The following ZC3H14 variants were observed in gnomAD, a reference collection of about 807,000 sequenced individuals.
ZC3H14 encodes the protein zinc finger CCCH-type containing 14, also known as zinc finger CCCH domain-containing protein 14.
Under a neutral mutation model 92.4 loss-of-function variants are expected in ZC3H14, and 31 were observed. That is an observed-to-expected ratio of 0.34 (90% CI 0.25 to 0.45). The LOEUF (loss-of-function observed/expected upper bound fraction) is 0.45, where lower values mean the gene tolerates loss of function less well. Among genes scored for constraint, ZC3H14 ranks in the 20% least tolerant of loss-of-function variants. The pLI, the probability that ZC3H14 is intolerant of heterozygous loss-of-function variation, is 1.00. For missense variants in ZC3H14, 781 were observed against 897.3 expected (o/e 0.87, Z 1.66); for synonymous variants, 321 against 300.9 (o/e 1.07, Z -0.69).
chr14:88,568,807 T>C (rs986987198), intron 3 of ZC3H14, among the ~76,000 whole-genome samples: 2 of 152,228 alleles, frequency 1.3e-5, no homozygotes, highest in African/African-American at 4.8e-5. Context: ...TGTAAAGTAC[T>C]TATAGGTGTC....
chr14:88,595,127 A>T, intron 9 of ZC3H14: 1 of 1,604,932 alleles, frequency 6.2e-7, no homozygotes, highest in Admixed American at 1.7e-5. Context: ...CTCTTAATAT[A>T]TGATATGTTC....
intron 1 of ZC3H14, 164 bp downstream of exon 1, chr14:88,563,333 G>A: frequency 6.7e-7 from 1 of 1,490,126 alleles, no homozygotes; most frequent in Middle Eastern, 2.4e-4. Flanking sequence ...CGGCCCTGGG[G>A]ACATTTGCGG....
rs543044093 is a variant in ZC3H14 at position 88,563,747 on chromosome 14, GA to G, written c.79+56del. 428 of 1,491,740 alleles carry G rather than the reference GA, an allele frequency of 2.9e-4. 2 individuals are homozygous for G. The South Asian group carries it at 4.6e-3, about 16-fold the overall frequency. The allele number at this position is 1,491,740 out of a possible 1,614,324, so 92.4% of individuals were successfully genotyped here. ...CAGAATTTAGAGTTTGCAGCTAATA[GA>G]ATTTTAGTGAATGCGTATTTCTCAC... On this transcript the variant is annotated intron_variant, in intron 2 of 16. Coordinates refer to ENST00000251038, the MANE Select transcript of ZC3H14 (RefSeq NM_024824.5).
In ZC3H14 at chr14:88,626,967, A is replaced by G; in HGVS notation, c.*15216A>G. ...TCACATGTTTTACTCCCACTGAGAC[A>G]AACTGGGTATCTGAATCTGGTCGGA... On this transcript the variant is annotated 3_prime_UTR_variant, in exon 17 of 17. Transcript: ENST00000251038. 1 of 1,614,014 alleles carries G rather than the reference A, an allele frequency of 6.2e-7. No individual in the cohort carries two copies. Among genetic ancestry groups the G allele is most frequent in the South Asian group, 1.1e-5 (1 of 91,080 alleles).
intron 1 of ZC3H14, 63 bp from the exon 2 acceptor site, chr14:88,563,588 G>A: frequency 6.2e-7 from 1 of 1,601,870 alleles, no homozygotes; most frequent in Non-Finnish European, 8.6e-7. Context: ...AGCCGCTGCA[G>A]AGTCCGGTCT....
rs35255737 is a variant in ZC3H14 at position 88,618,011 on chromosome 14, TAAA to T, written c.*6268_*6270del. On this transcript the variant is annotated 3_prime_UTR_variant, in exon 17 of 17. Transcript: ENST00000251038. ...TTTAAAGTTAAAACTTTGATTTCCTTAAAAAAAAAACTTGATAAATCATGGAAA... is the reference window on the plus strand; with the variant it reads ...TTTAAAGTTAAAACTTTGATTTCCTTAAAAAAACTTGATAAATCATGGAAA... 14 of 291,584 alleles carry T rather than the reference TAAA, an allele frequency of 4.8e-5. No individual in the cohort carries two copies. In the South Asian group the frequency reaches 1.1e-3, roughly 24 times the overall value. 18.1% of individuals were successfully genotyped at this position (291,584 alleles called of 1,614,324 possible).
At position 88,620,816 on chromosome 14, in the gene ZC3H14, T is replaced by G. The variant is rs569882025; in HGVS notation, c.*9065T>G. The G allele has an allele frequency of 1.7e-5, 27 of 1,608,926 alleles. No individual in the cohort carries two copies. In the South Asian group the frequency reaches 2.6e-4, roughly 15 times the overall value. On this transcript the variant is annotated 3_prime_UTR_variant, in exon 17 of 17. Transcript: ENST00000251038. The surrounding 1 kb of genome is among the most constrained non-coding windows in gnomAD (Gnocchi z 4.3). ...TTCCCCATATTTTTAGAGAACTCACTAGTAAAATGATAAATTCTCCATTTT... is the reference window on the plus strand; with the variant it reads ...TTCCCCATATTTTTAGAGAACTCACGAGTAAAATGATAAATTCTCCATTTT...
intron 9 of ZC3H14, among the ~76,000 whole-genome samples, chr14:88,587,307 G>A (rs2139840209): frequency 1.3e-5 from 2 of 151,926 alleles, no homozygotes; most frequent in East Asian, 3.9e-4. Flanking sequence ...GGGACTACAG[G>A]CACACCCTGC....
intron 9 of ZC3H14, chr14:88,590,042 A>C (rs1388054561): frequency 6.6e-6 from 1 of 152,198 alleles, no homozygotes; most frequent in Non-Finnish European, 1.5e-5. Flanking sequence ...AGGTACGAGA[A>C]TTGGTTGAAC....
intron 9 of ZC3H14, among the ~76,000 whole-genome samples, chr14:88,584,085 CAA>C (rs2082215984): frequency 6.6e-6 from 1 of 152,092 alleles, no homozygotes; most frequent in East Asian, 1.9e-4. Flanking sequence ...GTTTTTATCT[CAA>C]AGTCAGTTTT....
rs1555416423 is a variant in ZC3H14 at position 88,620,950 on chromosome 14, AAG to A, written c.*9202_*9203del. Reference sequence around the variant, plus strand: ...TTCTGCATTTAAAAAAAAAAAAAAAAAGAGTCATAGGAAACATTAAGTGAAGT... The same window carrying A: ...TTCTGCATTTAAAAAAAAAAAAAAAAAGTCATAGGAAACATTAAGTGAAGT... On this transcript the variant is annotated 3_prime_UTR_variant, in exon 17 of 17. Coordinates refer to ENST00000251038, the MANE Select transcript of ZC3H14 (RefSeq NM_024824.5). This position sits in a 1 kb window ranked among gnomAD's most constrained non-coding sequence, Gnocchi z 4.3. 53 of 1,478,480 alleles carry A rather than the reference AAG, an allele frequency of 3.6e-5. No homozygotes were observed. Among genetic ancestry groups the A allele is most frequent in the Non-Finnish European group, 4.3e-5 (48 of 1,117,872 alleles). 91.6% of individuals were successfully genotyped at this position (1,478,480 alleles called of 1,614,324 possible).
At chr14:88,575,059 C>T (rs952696658) in intron 7 of ZC3H14, among the ~76,000 whole-genome samples, 2 of 152,178 alleles carry the variant, frequency 1.3e-5, no homozygotes, top group Admixed American at 6.5e-5. Context: ...GATTGAGCCT[C>T]CTGAATAGCT....
In ZC3H14 at chr14:88,578,196, A is replaced by G. The variant is rs1417804196; in HGVS notation, c.1279+56A>G. Reference sequence around the variant, plus strand: ...CTACAGTTTTTTCATGAGGCATTGAATATTTTCCAATGGATTTTTATGAAA... The same window carrying G: ...CTACAGTTTTTTCATGAGGCATTGAGTATTTTCCAATGGATTTTTATGAAA... On this transcript the variant is annotated intron_variant, in intron 9 of 16. Coordinates refer to ENST00000251038, the MANE Select transcript of ZC3H14 (RefSeq NM_024824.5). 1.3e-5 allele frequency: 21 copies of G among 1,586,276 alleles called. 1 individual carries two copies. The East Asian group carries it at 3.8e-4, about 29-fold the overall frequency.
chr14:88,565,999 C>T (rs923546397), intron 2 of ZC3H14, among the ~76,000 whole-genome samples: 14 of 110,592 alleles, frequency 1.3e-4, no homozygotes, highest in Non-Finnish European at 2.3e-4. Context: ...TCCCGAGTAG[C>T]TGGGATTACA....
chr14:88,624,990 C>G lies in ZC3H14; in HGVS notation c.*13239C>G. ...CTCACGGCCTTTCCTTTCCCCCAGT[C>G]ACGATAAGTCCATCTCGCAGGGTGG... On this transcript the variant is annotated 3_prime_UTR_variant, in exon 17 of 17. Coordinates refer to ENST00000251038, the MANE Select transcript of ZC3H14 (RefSeq NM_024824.5). 1.9e-6 allele frequency: 3 copies of G among 1,613,568 alleles called. No individual in the cohort carries two copies. Among genetic ancestry groups the G allele is most frequent in the Non-Finnish European group, 1.7e-6 (2 of 1,179,650 alleles).
rs2087739634 is a variant in ZC3H14, at chr14:88,617,016, G to A, written c.*5265G>A. 4.3e-6 allele frequency: 3 copies of A among 691,222 alleles called. No homozygotes were observed. The highest frequency in any genetic ancestry group is 6.8e-6 in the Non-Finnish European group (3 of 440,286). 42.8% of individuals were successfully genotyped at this position (691,222 alleles called of 1,614,324 possible). On this transcript the variant is annotated 3_prime_UTR_variant, in exon 17 of 17. Transcript: ENST00000251038. ...TACAGGAAGTAAATTATGGTAAGTT[G>A]TTTGGAGACCTGAATTTCATCAGGA... is the stretch of plus-strand genomic sequence containing the variant.
rs1208725445 is a variant in ZC3H14, at chr14:88,618,833, A to G, written c.*7082A>G. ...TAAATCTGAATCAAAACAAAACGTA[A>G]AAAGTATTAGACCACATGAAGTATT... On this transcript the variant is annotated 3_prime_UTR_variant, in exon 17 of 17. Transcript: ENST00000251038. 22 of 1,554,374 alleles carry G rather than the reference A, an allele frequency of 1.4e-5. No individual in the cohort carries two copies. The highest frequency in any genetic ancestry group is 1.9e-5 in the Non-Finnish European group (22 of 1,149,614).
intron 8 of ZC3H14, among the ~76,000 whole-genome samples, chr14:88,577,423 A>G (rs893377086): frequency 2.0e-5 from 3 of 152,180 alleles, no homozygotes; most frequent in African/African-American, 7.2e-5. Context: ...ATACATATGT[A>G]CTATATTGTA....
chr14:88,609,937 C>T, intron 15 of ZC3H14, 134 bp downstream of exon 15: 1 of 954,454 alleles, frequency 1.0e-6, no homozygotes, highest in Non-Finnish European at 1.6e-6. Flanking sequence ...TTAAGTTGTT[C>T]CTCGTCACTG....
Sources: gnomAD v4.1 joint callset for allele counts (sites outside exome capture counted in the v4.1 genomes callset) on GRCh38, gnomAD v4.1.1 for gene constraint, Gnocchi (gnomAD v3.1) non-coding constraint, MANE v1.5 for transcripts, NCBI Gene and HGNC (gene_info 2026-07-23, HGNC 2026-07-21) for gene names.